Variants in SDK1 observed in about 807,000 individuals in gnomAD.
SDK1 encodes the protein sidekick cell adhesion molecule 1.
A neutral mutation model predicts 245.5 loss-of-function variants in SDK1; 157 were observed. The ratio of observed to expected loss-of-function variants is 0.64; its 90% CI spans 0.56 to 0.73. The LOEUF (loss-of-function observed/expected upper bound fraction) is 0.73, where lower values mean the gene tolerates loss of function less well. Ranked by LOEUF, SDK1 falls within the 30% of genes least tolerant of loss-of-function variation. The pLI, the probability that SDK1 is intolerant of heterozygous loss-of-function variation, is 0.00. For synonymous variants in SDK1, 1,647 were observed against 1,278.5 expected, an observed-to-expected ratio of 1.29 and a Z score of -6.15; for missense variants, 3,583 against 3,002.3, an observed-to-expected ratio of 1.19 and a Z score of -4.52.
chr7:3,455,693 G>T (rs1191445018), intron 1 of SDK1, among the ~76,000 whole-genome samples: 1 of 151,998 alleles, frequency 6.6e-6, no homozygotes, highest in Non-Finnish European at 1.5e-5. Context: ...TATATGGTAG[G>T]CCTTAGTATT....
At chr7:3,827,947 G>T (rs1287228892) in intron 5 of SDK1, among the ~76,000 whole-genome samples, 1 of 152,158 alleles carries the variant, frequency 6.6e-6, no homozygotes, top group African/African-American at 2.4e-5. Flanking sequence ...GCATTTATTT[G>T]TTATTAGAAC....
chr7:3,780,992 C>T (rs1780717204), intron 4 of SDK1, among the ~76,000 whole-genome samples: 1 of 152,106 alleles, frequency 6.6e-6, no homozygotes, highest in African/African-American at 2.4e-5. Context: ...CTCCCACCTT[C>T]ATGGATTTCA....
chr7:3,366,084 T>C (rs1344940626), intron 1 of SDK1, among the ~76,000 whole-genome samples: 2 of 151,954 alleles, frequency 1.3e-5, no homozygotes, highest in Non-Finnish European at 2.9e-5. Context: ...TGTGTAGATA[T>C]TTTACCGATT....
chr7:4,243,579 G>C (rs923943944), intron 43 of SDK1, among the ~76,000 whole-genome samples: 2 of 152,240 alleles, frequency 1.3e-5, no homozygotes, highest in Non-Finnish European at 2.9e-5. Context: ...CAGGCAAAGA[G>C]AGAGTTTGTG....
Position 3,344,008 on chromosome 7 carries a change from C to T in SDK1, c.298+42124C>T, listed in dbSNP as rs529694624. 1.6e-3 allele frequency among the ~76,000 whole-genome samples: 203 copies of T among 124,014 alleles called. 3 individuals carry two copies. Among genetic ancestry groups the T allele is most frequent in the African/African-American group, 6.8e-3 (197 of 28,856 alleles). The allele number at this position is 124,014 out of a possible 152,430, so 81.4% of individuals were successfully genotyped here. On this transcript the variant is annotated intron_variant, in intron 1 of 44. Coordinates refer to ENST00000404826, the MANE Select transcript of SDK1 (RefSeq NM_152744.4). ...CAGACACTAAACCATAGTTGCTAAA[C>T]ACATACAACCAAAAAAAAAAAAAAA... is the stretch of plus-strand genomic sequence containing the variant.
chr7:3,553,911 G>A (rs1188598549), intron 1 of SDK1, among the ~76,000 whole-genome samples: 6 of 152,204 alleles, frequency 3.9e-5, no homozygotes, highest in African/African-American at 7.2e-5. Context: ...GCAGGGACCC[G>A]TGGGAGCCCC....
At chr7:3,502,620 A>T (rs906141337) in intron 1 of SDK1, among the ~76,000 whole-genome samples, 2 of 152,234 alleles carry the variant, frequency 1.3e-5, no homozygotes, top group Non-Finnish European at 2.9e-5. Flanking sequence ...TTGGATTTAC[A>T]TACATTTTCA....
chr7:3,739,408 C>A (rs866654188), intron 4 of SDK1, among the ~76,000 whole-genome samples: 3 of 152,064 alleles, frequency 2.0e-5, no homozygotes, highest in Admixed American at 1.3e-4. Context: ...TCCCTTCCAT[C>A]TTCTATTTCT....
chr7:3,342,832 A>G (rs923126990), intron 1 of SDK1, among the ~76,000 whole-genome samples: 12 of 152,208 alleles, frequency 7.9e-5, no homozygotes, highest in African/African-American at 2.2e-4. Context: ...TCAAAATTCA[A>G]TAGGAAAAAA....
At chr7:4,113,894 A>G in intron 24 of SDK1, 143 bp from the exon 25 acceptor site, 3 of 639,914 alleles carry the variant, frequency 4.7e-6, no homozygotes. Flanking sequence ...TCAGGGAAGA[A>G]TAAAGTAGAT....
intron 1 of SDK1, among the ~76,000 whole-genome samples, chr7:3,343,710 C>G (rs1780415737): frequency 8.3e-6 from 1 of 120,688 alleles, no homozygotes; most frequent in African/African-American, 3.9e-5. Context: ...CTGTAATTAT[C>G]TCTTAATAAA....
rs1047846064 is a variant in SDK1, at chr7:3,301,702, C to T, written c.116C>T (p.Ser39Leu). Residue 39 changes from serine to leucine, a missense_variant, in exon 1 of 45, where the codon TCG becomes TTG. Ser to Leu is a moderately radical substitution (Grantham distance 145, BLOSUM62 -2). Coordinates refer to ENST00000404826, the MANE Select transcript of SDK1 (RefSeq NM_152744.4). ...TCCCCGCCCGGCCGCGCCCGCCCCT[C>T]GCTGGCGCCGCGCCCCGGCCCGGAG... ...RGSPPGRARP[S>L]LAPRPGPEPS... 1.1e-5 allele frequency: 11 copies of T among 973,720 alleles called. No homozygotes were observed. The South Asian group carries it at 2.4e-4, about 21-fold the overall frequency. The allele number at this position is 973,720 out of a possible 1,614,324, so 60.3% of individuals were successfully genotyped here.
chr7:4,116,341 G>A (rs899412507), intron 25 of SDK1, among the ~76,000 whole-genome samples: 1 of 152,198 alleles, frequency 6.6e-6, no homozygotes, highest in African/African-American at 2.4e-5. Context: ...AGCCAGGCCG[G>A]GGTGAGGAGT....
Position 4,049,359 on chromosome 7 carries a change from C to T in SDK1, c.2614C>T (p.Pro872Ser). ...CTGCCCTGCCACAGTGCCCACCGCG[C>T]CCCCGCAGAACGTGCAGACGGAAGC... ...EYTLQGVPTA[P>S]PQNVQTEAVN... The change falls in exon 18 of 45, where the codon CCC becomes TCC. Residue 872 changes from proline (P) to serine (S), a missense_variant. Coordinates refer to ENST00000404826, the MANE Select transcript of SDK1 (RefSeq NM_152744.4). 2 of 1,613,896 alleles carry T rather than the reference C, an allele frequency of 1.2e-6. No homozygotes were observed. Among genetic ancestry groups the T allele is most frequent in the Non-Finnish European group, 1.7e-6 (2 of 1,179,918 alleles).
chr7:4,085,621 C>G (rs995434221), intron 22 of SDK1, among the ~76,000 whole-genome samples: 12 of 152,110 alleles, frequency 7.9e-5, no homozygotes, highest in Non-Finnish European at 1.0e-4. Flanking sequence ...GTGGCGTGAT[C>G]TCAGATCACT....
At chr7:4,118,994 C>T (rs1430286363) in intron 25 of SDK1, among the ~76,000 whole-genome samples, 2 of 148,058 alleles carry the variant, frequency 1.4e-5, no homozygotes, top group Non-Finnish European at 3.0e-5. Context: ...TGAGATGTTC[C>T]AAAGTTCATC....
intron 17 of SDK1, among the ~76,000 whole-genome samples, chr7:4,024,160 A>C (rs571574617): frequency 6.6e-6 from 1 of 152,206 alleles, no homozygotes; most frequent in Non-Finnish European, 1.5e-5. Context: ...AATGAAAGAG[A>C]AATATTTCAT....
chr7:3,825,592 T>A (rs1022308440), intron 5 of SDK1, among the ~76,000 whole-genome samples: 9 of 152,214 alleles, frequency 5.9e-5, no homozygotes, highest in Non-Finnish European at 2.9e-5. Flanking sequence ...TTTCAGCTGA[T>A]CCTCCTTCAG....
At position 3,529,190 on chromosome 7, in the gene SDK1, A is replaced by G. The variant is rs558672045; in HGVS notation, c.299-89890A>G. Among the ~76,000 whole-genome samples, 8 of 152,318 alleles carry G rather than the reference A, an allele frequency of 5.3e-5. No homozygotes were observed. The South Asian group carries it at 1.4e-3, about 28-fold the overall frequency. On this transcript the variant is annotated intron_variant, in intron 1 of 44. Transcript: ENST00000404826. ...AACACATGGTTTTGGAAACATGTATATATAGGTGATAATATAGAGACACAC... is the reference window on the plus strand; with the variant it reads ...AACACATGGTTTTGGAAACATGTATGTATAGGTGATAATATAGAGACACAC...
Sources: allele counts gnomAD v4.1 joint callset (sites outside exome capture counted in the v4.1 genomes callset), GRCh38; gene constraint gnomAD v4.1.1; transcripts MANE v1.5; gene names NCBI Gene and HGNC (gene_info 2026-07-23, HGNC 2026-07-21).